Variants in CLVS1 observed in about 807,000 individuals in gnomAD.
The protein encoded by CLVS1 is clavesin-1.
CLVS1 carries 10 observed loss-of-function variants against 33.1 expected under a neutral mutation model. That is an observed-to-expected ratio of 0.30 (90% CI 0.19 to 0.51). The LOEUF is 0.51. Among genes scored for constraint, CLVS1 ranks in the 20% least tolerant of loss-of-function variants. The probability of loss-of-function intolerance (pLI) is 0.97; values close to 1 mark genes in which losing one functional copy is unlikely to be tolerated. For synonymous variants in CLVS1, 163 were observed against 166.1 expected, an observed-to-expected ratio of 0.98 and a Z score of 0.14; for missense variants, 343 against 433.4, an observed-to-expected ratio of 0.79 and a Z score of 1.85.
chr8:61,420,772 C>A (rs1449109946), intron 3 of CLVS1, among the ~76,000 whole-genome samples: 1 of 151,972 alleles, frequency 6.6e-6, no homozygotes, highest in Non-Finnish European at 1.5e-5. Flanking sequence ...AGTTTGAGAC[C>A]AGCCTGCCCA....
the CLVS1 span, among the ~76,000 whole-genome samples, chr8:60,970,960 G>T: frequency 6.7e-6 from 1 of 148,306 alleles, no homozygotes; most frequent in African/African-American, 2.5e-5. Flanking sequence ...TTTCTAAAAC[G>T]TTTCCTCAAC....
the CLVS1 span, among the ~76,000 whole-genome samples, chr8:60,968,514 C>CA: frequency 0.06 from 7,723 of 128,068 alleles, 275 homozygotes; most frequent in Non-Finnish European, 0.093. Flanking sequence ...GACTCCGTTT[C>CA]AAAAAAAAAA....
chr8:61,020,343 A>G, the CLVS1 span, among the ~76,000 whole-genome samples: 1 of 152,250 alleles, frequency 6.6e-6, no homozygotes, highest in Non-Finnish European at 1.5e-5. Flanking sequence ...GAGAGAGACA[A>G]TTCTGTCAAA....
At chr8:61,164,469 G>C (rs67650071) in intron 2 of CLVS1, among the ~76,000 whole-genome samples, 1 of 152,070 alleles carries the variant, frequency 6.6e-6, no homozygotes, top group South Asian at 2.1e-4. Flanking sequence ...TGCGATTCCC[G>C]CTGTCTTCTT....
the CLVS1 span, among the ~76,000 whole-genome samples, chr8:60,975,573 G>A: frequency 6.6e-6 from 1 of 152,154 alleles, no homozygotes; most frequent in Non-Finnish European, 1.5e-5. Context: ...CCAGATGCAG[G>A]AAGAGGCAAG....
At chr8:61,255,064 GT>G (rs1318828923) in intron 2 of CLVS1, among the ~76,000 whole-genome samples, 1 of 152,086 alleles carries the variant, frequency 6.6e-6, no homozygotes, top group African/African-American at 2.4e-5. Flanking sequence ...CCTATTTGTG[GT>G]TTTTTGTATA....
At chr8:61,303,440 G>C (rs1184997455) in intron 2 of CLVS1, among the ~76,000 whole-genome samples, 1 of 152,176 alleles carries the variant, frequency 6.6e-6, no homozygotes, top group Non-Finnish European at 1.5e-5. Flanking sequence ...TGAATGTGAA[G>C]CTTATTCAGC....
intron 2 of CLVS1, among the ~76,000 whole-genome samples, chr8:61,135,622 C>T (rs1007541226): frequency 2.0e-5 from 3 of 152,192 alleles, no homozygotes; most frequent in African/African-American, 7.2e-5. Context: ...GTGAGCCCTG[C>T]TGAAGCCAAG....
chr8:61,004,949 AAACAAGAC>A, the CLVS1 span, among the ~76,000 whole-genome samples: 1 of 146,068 alleles, frequency 6.8e-6, no homozygotes, highest in African/African-American at 2.5e-5. Context: ...GTTTAAAACA[AAACAAGAC>A]AAAACAAAAC....
chr8:61,045,644 A>G, the CLVS1 span, among the ~76,000 whole-genome samples: 3 of 152,208 alleles, frequency 2.0e-5, no homozygotes, highest in African/African-American at 7.2e-5. Context: ...CGTAGAAAAC[A>G]TGGTTCCAGG....
intron 3 of CLVS1, among the ~76,000 whole-genome samples, chr8:61,442,779 T>A (rs1223167960): frequency 6.6e-6 from 1 of 152,194 alleles, no homozygotes; most frequent in Non-Finnish European, 1.5e-5. Context: ...TTTGTATTTT[T>A]AATACAGATG....
intron 1 of CLVS1, among the ~76,000 whole-genome samples, chr8:61,113,589 A>G (rs917992424): frequency 2.0e-5 from 3 of 152,200 alleles, no homozygotes; most frequent in Non-Finnish European, 2.9e-5. Context: ...TATGCAAAAG[A>G]GGCAAAAGAC....
chr8:61,049,492 AT>A, the CLVS1 span, among the ~76,000 whole-genome samples: 1 of 152,214 alleles, frequency 6.6e-6, no homozygotes, highest in Non-Finnish European at 1.5e-5. Flanking sequence ...CATCAATTTG[AT>A]TTGGTTAAAT....
At chr8:60,984,494 A>G in the CLVS1 span, among the ~76,000 whole-genome samples, 1 of 151,756 alleles carries the variant, frequency 6.6e-6, no homozygotes, top group Non-Finnish European at 1.5e-5. Flanking sequence ...TGCTCCGCTA[A>G]TTTTTGTATT....
intron 5 of CLVS1, among the ~76,000 whole-genome samples, chr8:61,480,385 G>A (rs1039489938): frequency 6.6e-6 from 1 of 152,240 alleles, no homozygotes; most frequent in African/African-American, 2.4e-5. Flanking sequence ...TCCGAGCCAG[G>A]TGCAGGATAT....
intron 2 of CLVS1, among the ~76,000 whole-genome samples, chr8:61,316,073 G>A (rs1585792270): frequency 6.6e-6 from 1 of 151,964 alleles, no homozygotes; most frequent in East Asian, 1.9e-4. Flanking sequence ...CTTTTTTATG[G>A]CTGCATAGTA....
the CLVS1 span, among the ~76,000 whole-genome samples, chr8:60,973,107 G>A: frequency 1.3e-5 from 2 of 152,212 alleles, no homozygotes; most frequent in East Asian, 3.8e-4. Flanking sequence ...TATGAAGAAA[G>A]AGATTCCTCC....
At chr8:61,137,548 C>CTAT (rs1260814570) in intron 2 of CLVS1, among the ~76,000 whole-genome samples, 1 of 152,172 alleles carries the variant, frequency 6.6e-6, no homozygotes, top group African/African-American at 2.4e-5. Context: ...TCTAAGCCAT[C>CTAT]TATTATACTT....
chr8:61,407,441 G>T (rs1815036372), intron 3 of CLVS1, among the ~76,000 whole-genome samples: 2 of 152,168 alleles, frequency 1.3e-5, no homozygotes, highest in Admixed American at 6.5e-5. Context: ...GTTAGGATTT[G>T]CTAAATCAAC....
Sources: allele counts gnomAD v4.1 joint callset (sites outside exome capture counted in the v4.1 genomes callset), GRCh38; gene constraint gnomAD v4.1.1; transcripts MANE v1.5; gene names NCBI Gene and HGNC (gene_info 2026-07-23, HGNC 2026-07-21).